TECR: variants seen among roughly 807,000 people sequenced by gnomAD.
TECR encodes the protein very-long-chain enoyl-CoA reductase.
TECR carries 19 observed loss-of-function variants against 50.6 expected under a neutral mutation model. The ratio of observed to expected loss-of-function variants is 0.38; its 90% CI spans 0.26 to 0.55. TECR has a LOEUF of 0.55. TECR is among the 20% of genes least tolerant of loss of function. The pLI, the probability that TECR is intolerant of heterozygous loss-of-function variation, is 0.79. For synonymous variants in TECR, 168 were observed against 163.5 expected, an observed-to-expected ratio of 1.03 and a Z score of -0.21; for missense variants, 313 against 408.3, an observed-to-expected ratio of 0.77 and a Z score of 2.01.
chr19:14,554,703 CCCACACCCACTCCACTCTCAGG>C (rs2146610644), intron 1 of TECR, among the ~76,000 whole-genome samples: 1 of 152,252 alleles, frequency 6.6e-6, no homozygotes, highest in African/African-American at 2.4e-5. Context: ...ACCTCTCATC[CCCACACCCACTCCACTCTCAGG>C]CCACACCCAC....
intron 2 of TECR, among the ~76,000 whole-genome samples, chr19:14,562,971 C>T (rs944437827): frequency 6.6e-5 from 10 of 152,094 alleles, no homozygotes; most frequent in Non-Finnish European, 4.4e-5. Context: ...CGCCACTAGC[C>T]GGGCTGGGGG....
chr19:14,540,323 C>G (rs947861901), intron 1 of TECR, among the ~76,000 whole-genome samples: 3 of 152,256 alleles, frequency 2.0e-5, no homozygotes, highest in Non-Finnish European at 2.9e-5. Context: ...CCTCCTCAGC[C>G]TCCCAAAGTG....
chr19:14,550,963 C>T (rs2146601077), intron 1 of TECR, among the ~76,000 whole-genome samples: 1 of 152,092 alleles, frequency 6.6e-6, no homozygotes, highest in East Asian at 1.9e-4. Flanking sequence ...TGAACTACCA[C>T]ACCCGGCCGC....
chr19:14,559,707 A>G (rs958904363), intron 1 of TECR, among the ~76,000 whole-genome samples: 2 of 151,928 alleles, frequency 1.3e-5, no homozygotes, highest in Admixed American at 1.3e-4. Flanking sequence ...GAATCGTTTG[A>G]ACCTGGGGGG....
At chr19:14,542,347 G>GTTTTTTTGTTTTTTTTTT in intron 1 of TECR, among the ~76,000 whole-genome samples, 1 of 43,300 alleles carries the variant, frequency 2.3e-5, no homozygotes, top group African/African-American at 8.1e-5. Context: ...ATGCCATAGT[G>GTTTTTTTGTTTTTTTTTT]TTTTTTTTTT....
At chr19:14,541,330 G>A (rs566142841) in intron 1 of TECR, among the ~76,000 whole-genome samples, 18 of 152,112 alleles carry the variant, frequency 1.2e-4, no homozygotes, top group African/African-American at 3.6e-4. Flanking sequence ...CATCCTGCCC[G>A]TGGCTGTCCT....
chr19:14,555,832 T>C (rs1161027358), intron 1 of TECR, among the ~76,000 whole-genome samples: 1 of 152,154 alleles, frequency 6.6e-6, no homozygotes, highest in African/African-American at 2.4e-5. Context: ...GTGATCATCC[T>C]GTCTCAGCCT....
chr19:14,562,668 T>A, intron 2 of TECR, 93 bp downstream of exon 2: 4 of 1,398,194 alleles, frequency 2.9e-6, no homozygotes, highest in Non-Finnish European at 4.1e-6. Context: ...GGGCCCTTTG[T>A]GCCCCACCCC....
At chr19:14,547,735 T>G (rs1317092956) in intron 1 of TECR, among the ~76,000 whole-genome samples, 1 of 151,656 alleles carries the variant, frequency 6.6e-6, no homozygotes, top group East Asian at 1.9e-4. Context: ...TATAGTTCAC[T>G]GCAGCTTGGG....
chr19:14,545,664 TGTTG>T (rs1393719815), intron 1 of TECR: 1 of 182,374 alleles, frequency 5.5e-6, no homozygotes, highest in Non-Finnish European at 1.2e-5. Context: ...GCACAGTCCG[TGTTG>T]GTTGCGTGCA....
chr19:14,545,232 C>T, intron 1 of TECR: 1 of 456,574 alleles, frequency 2.2e-6, no homozygotes, highest in Non-Finnish European at 4.4e-6. Flanking sequence ...TGCTTAGCTG[C>T]TCCCCCTAAA....
At chr19:14,558,434 C>A (rs747331677) in intron 1 of TECR, among the ~76,000 whole-genome samples, 1 of 152,182 alleles carries the variant, frequency 6.6e-6, no homozygotes, top group Non-Finnish European at 1.5e-5. Context: ...CGCTTCACGC[C>A]GCACCGTGTG....
intron 7 of TECR, 128 bp downstream of exon 7, chr19:14,564,415 C>T (rs922654979): frequency 1.3e-5 from 10 of 781,560 alleles, no homozygotes; most frequent in African/African-American, 1.1e-4. Flanking sequence ...TACCCCTAGG[C>T]CCCGCCTAAC....
At chr19:14,558,504 C>T (rs1054820991) in intron 1 of TECR, among the ~76,000 whole-genome samples, 6 of 152,114 alleles carry the variant, frequency 3.9e-5, no homozygotes, top group African/African-American at 7.2e-5. Flanking sequence ...GGCTGGGCCC[C>T]GGGAATCTTG....
intron 1 of TECR, among the ~76,000 whole-genome samples, chr19:14,533,250 G>T (rs1419910941): frequency 6.6e-6 from 1 of 151,964 alleles, no homozygotes; most frequent in East Asian, 1.9e-4. Context: ...ATGAAACTCC[G>T]TCTCTACAAA....
At chr19:14,541,436 G>A (rs2073094049) in intron 1 of TECR, among the ~76,000 whole-genome samples, 1 of 152,220 alleles carries the variant, frequency 6.6e-6, no homozygotes, top group Non-Finnish European at 1.5e-5. Context: ...TTGTGGGCAG[G>A]TCCTGCTGGT....
chr19:14,561,447 T>C (rs2073899042), intron 1 of TECR, among the ~76,000 whole-genome samples: 1 of 152,126 alleles, frequency 6.6e-6, no homozygotes, highest in South Asian at 2.1e-4. Context: ...CCTGCCCCTC[T>C]GCACCCCCAT....
chr19:14,555,205 G>A (rs2073676508), intron 1 of TECR, among the ~76,000 whole-genome samples: 1 of 151,630 alleles, frequency 6.6e-6, no homozygotes. Flanking sequence ...CAGCCCCTGA[G>A]GAGTAGGTAG....
At chr19:14,546,097 C>T (rs760218513) in intron 1 of TECR, among the ~76,000 whole-genome samples, 29 of 152,244 alleles carry the variant, frequency 1.9e-4, no homozygotes, top group Admixed American at 3.3e-4. Context: ...CATGCTAGCT[C>T]GTCCCTGGGG....
Sources: gnomAD v4.1 joint callset for allele counts (sites outside exome capture counted in the v4.1 genomes callset) on GRCh38, gnomAD v4.1.1 for gene constraint, MANE v1.5 for transcripts, NCBI Gene and HGNC (gene_info 2026-07-23, HGNC 2026-07-21) for gene names.